Variants in LMAN2L observed in about 807,000 individuals in gnomAD.
LMAN2L encodes lectin, mannose binding 2 like, also known as VIP36-like protein.
Under a neutral mutation model 44.3 loss-of-function variants are expected in LMAN2L, and 30 were observed. The observed-to-expected ratio is 0.68, with a 90% CI of 0.51 to 0.92. LMAN2L has a LOEUF of 0.92. LMAN2L is among the 40% of genes least tolerant of loss of function. The probability of loss-of-function intolerance (pLI) is 0.00; values close to 1 mark genes in which losing one functional copy is unlikely to be tolerated. For missense variants in LMAN2L, 429 were observed against 446.1 expected (o/e 0.96, Z 0.35); for synonymous variants, 183 against 171.1 (o/e 1.07, Z -0.54).
At chr2:96,719,291 A>C (rs1380924091) in intron 4 of LMAN2L, among the ~76,000 whole-genome samples, 1 of 152,170 alleles carries the variant, frequency 6.6e-6, no homozygotes, top group African/African-American at 2.4e-5. Flanking sequence ...CGAAAGGGTC[A>C]AAGCCCAAAG....
At chr2:96,715,084 G>A (rs1442453180) in intron 4 of LMAN2L, among the ~76,000 whole-genome samples, 2 of 152,016 alleles carry the variant, frequency 1.3e-5, no homozygotes, top group East Asian at 1.9e-4. Flanking sequence ...GATTACAGGC[G>A]CTCGCCACCA....
intron 2 of LMAN2L, among the ~76,000 whole-genome samples, chr2:96,735,691 T>C (rs1401614421): frequency 1.3e-5 from 2 of 151,864 alleles, no homozygotes; most frequent in Non-Finnish European, 2.9e-5. Flanking sequence ...TACAAAAAAT[T>C]AGCCGGTGTG....
intron 2 of LMAN2L, chr2:96,737,114 C>G (rs1474203189): frequency 1.8e-5 from 8 of 454,184 alleles, no homozygotes; most frequent in African/African-American, 6.0e-5. Flanking sequence ...GCCCTGGAAA[C>G]AGAAAAGAAA....
Position 96,727,272 on chromosome 2 carries a change from T to C in LMAN2L, c.507+6247A>G, listed in dbSNP as rs1242783657. On this transcript the variant is annotated intron_variant, in intron 4 of 7. Coordinates refer to ENST00000264963, the MANE Select transcript of LMAN2L (RefSeq NM_030805.4). ...GTCACTTTTTCTCTATCTATTGAGA[T>C]GATTATATGTTGTTTGTCCTTTAGT... 2.6e-5 allele frequency among the ~76,000 whole-genome samples: 4 copies of C among 152,286 alleles called. No individual in the cohort carries two copies. In the South Asian group the frequency reaches 8.3e-4, roughly 32 times the overall value.
intron 4 of LMAN2L, among the ~76,000 whole-genome samples, chr2:96,729,653 C>T (rs372705689): frequency 1.7e-4 from 26 of 151,666 alleles, no homozygotes; most frequent in East Asian, 1.2e-3. Context: ...GGACTACAGG[C>T]GCCCGCCACC....
Position 96,739,867 on chromosome 2 carries a change from C to A in LMAN2L, c.174G>T (p.Ser58=). ...FEYLKREHSL[S]KPYQGVGTGS... Reference sequence around the variant, plus strand: ...TGGGCGCCTCACCCTGGTAGGGCTTCGACAGCGAGTGCTCCCGTTTCAAGT... The same window carrying A: ...TGGGCGCCTCACCCTGGTAGGGCTTAGACAGCGAGTGCTCCCGTTTCAAGT... Residue 58 remains serine (S), a synonymous_variant, in exon 1 of 8, where the codon TCG becomes TCT. Transcript: ENST00000264963. The A allele has an allele frequency of 6.2e-7, 1 of 1,613,786 alleles. No homozygotes were observed.
intron 4 of LMAN2L, among the ~76,000 whole-genome samples, chr2:96,725,861 G>A (rs1293264968): frequency 2.0e-5 from 3 of 151,828 alleles, no homozygotes; most frequent in South Asian, 4.2e-4. Flanking sequence ...TTTGCCAGGC[G>A]CGGTACCTCA....
intron 7 of LMAN2L, 61 bp downstream of exon 7, chr2:96,707,653 G>GT: frequency 6.2e-7 from 1 of 1,600,662 alleles, no homozygotes; most frequent in South Asian, 1.1e-5. Flanking sequence ...TGAGCTATGG[G>GT]TACAGCACTG....
intron 4 of LMAN2L, among the ~76,000 whole-genome samples, chr2:96,721,326 C>CTTTTTT (rs56023035): frequency 1.1e-4 from 9 of 84,596 alleles, no homozygotes; most frequent in Admixed American, 1.3e-4. Flanking sequence ...TTCTTTCAGT[C>CTTTTTT]TTTTTTTTTT....
rs115169519 is a variant in LMAN2L, at chr2:96,708,685, G to A, written c.785-852C>T. Among the ~76,000 whole-genome samples the A allele has an allele frequency of 3.2e-3, 480 of 152,246 alleles. 4 individuals are homozygous for A. Among genetic ancestry groups the A allele is most frequent in the African/African-American group, 0.011 (467 of 41,524 alleles). On this transcript the variant is annotated intron_variant, in intron 6 of 7. Coordinates refer to ENST00000264963, the MANE Select transcript of LMAN2L (RefSeq NM_030805.4). ...AACAGGAAAAGGTCTCATGGCCGCT[G>A]TTTAATGGGCCATGGGCAGGGCACA... is the stretch of plus-strand genomic sequence containing the variant.
intron 1 of LMAN2L, among the ~76,000 whole-genome samples, chr2:96,738,705 T>C (rs2078568777): frequency 6.6e-6 from 1 of 151,944 alleles, no homozygotes; most frequent in Non-Finnish European, 1.5e-5. Context: ...TAAAAAGAGT[T>C]TGACCCTCAG....
chr2:96,737,473 G>A (rs2078540249), intron 2 of LMAN2L, among the ~76,000 whole-genome samples: 1 of 151,740 alleles, frequency 6.6e-6, no homozygotes, highest in Non-Finnish European at 1.5e-5. Context: ...AACATAGCAA[G>A]ACCCCATCTC....
In LMAN2L at chr2:96,711,658, G is replaced by C; in HGVS notation, c.782C>G (p.Ser261Ter). ...ACCAAGAGTGCGCGTGGCAGTACCT[G>C]AGAGATCCCCAGTGATGGAGGAGGT... ...FGTSSITGDL[S>*]DNHDVISLKL... The change falls in exon 6 of 8, where the codon TCA (serine) becomes TGA (stop). Residue 261 changes from serine to a stop codon, truncating the protein, a stop_gained and splice_region_variant. Coordinates refer to ENST00000264963, the MANE Select transcript of LMAN2L (RefSeq NM_030805.4). LOFTEE classifies it high-confidence loss of function. 3 of 1,609,612 alleles carry C rather than the reference G, an allele frequency of 1.9e-6. No homozygotes were observed. The highest frequency in any genetic ancestry group is 2.5e-6 in the Non-Finnish European group (3 of 1,176,494).
intron 6 of LMAN2L, among the ~76,000 whole-genome samples, chr2:96,711,418 A>T (rs1573997658): frequency 6.6e-6 from 1 of 152,268 alleles, no homozygotes; most frequent in East Asian, 1.9e-4. Flanking sequence ...CAGCTTAATG[A>T]AGGGACAAAC....
chr2:96,722,634 T>C (rs554607019), intron 4 of LMAN2L, among the ~76,000 whole-genome samples: 2 of 152,312 alleles, frequency 1.3e-5, no homozygotes, highest in East Asian at 1.9e-4. Flanking sequence ...TCCTAACAGG[T>C]TGGGGACCCC....
At chr2:96,712,394 C>T (rs2077945978) in intron 4 of LMAN2L, among the ~76,000 whole-genome samples, 1 of 152,230 alleles carries the variant, frequency 6.6e-6, no homozygotes, top group African/African-American at 2.4e-5. Flanking sequence ...ATCTCCCCAA[C>T]TGCCACATAA....
intron 2 of LMAN2L, chr2:96,737,091 A>C (rs2078531712): frequency 4.5e-6 from 2 of 447,966 alleles, no homozygotes; most frequent in Non-Finnish European, 8.9e-6. Flanking sequence ...ACTGGTCGTA[A>C]AAGATTTAGA....
At chr2:96,734,722 T>C (rs2078478802) in intron 2 of LMAN2L, 196 bp from the exon 3 acceptor site, 1 of 567,742 alleles carries the variant, frequency 1.8e-6, no homozygotes, top group South Asian at 2.3e-5. Context: ...TTTAGAGATT[T>C]AATATGAAAA....
At chr2:96,728,013 A>G (rs1168748984) in intron 4 of LMAN2L, among the ~76,000 whole-genome samples, 1 of 152,242 alleles carries the variant, frequency 6.6e-6, no homozygotes, top group South Asian at 2.1e-4. Flanking sequence ...GGTTGTTATG[A>G]TAAGTAAATA....
Sources: gnomAD v4.1 joint callset for allele counts (sites outside exome capture counted in the v4.1 genomes callset) on GRCh38, gnomAD v4.1.1 for gene constraint, MANE v1.5 for transcripts, NCBI Gene and HGNC (gene_info 2026-07-23, HGNC 2026-07-21) for gene names.